The following PPP1R9A variants were observed in gnomAD, a reference collection of about 807,000 sequenced individuals.
PPP1R9A encodes the protein protein phosphatase 1 regulatory subunit 9A, also known as neurabin-1.
A neutral mutation model predicts 141.9 loss-of-function variants in PPP1R9A; 59 were observed. The ratio of observed to expected loss-of-function variants is 0.42; its 90% confidence interval spans 0.34 to 0.52. The LOEUF is 0.52. Among genes scored for constraint, PPP1R9A ranks in the 20% least tolerant of loss-of-function variants. PPP1R9A has a pLI of 0.10. For missense variants in PPP1R9A, 1,444 were observed against 1,611.9 expected (o/e 0.90, Z 1.78); for synonymous variants, 500 against 569.7 (o/e 0.88, Z 1.74).
chr7:94,980,622 G>GA (rs1799993367), intron 2 of PPP1R9A, among the ~76,000 whole-genome samples: 1 of 140,202 alleles, frequency 7.1e-6, no homozygotes, highest in East Asian at 2.0e-4. Flanking sequence ...TTTTTTTTTA[G>GA]AAAAAGTTGG....
chr7:95,102,110 A>G (rs995791241), intron 2 of PPP1R9A, among the ~76,000 whole-genome samples: 3 of 152,228 alleles, frequency 2.0e-5, no homozygotes, highest in African/African-American at 4.8e-5. Context: ...TTTGGCATTT[A>G]TAATGCCTAT....
chr7:95,209,306 T>C (rs1791579984), intron 7 of PPP1R9A, among the ~76,000 whole-genome samples: 1 of 152,204 alleles, frequency 6.6e-6, no homozygotes, highest in South Asian at 2.1e-4. Flanking sequence ...ACTCTGTGTC[T>C]TCAACTTGCT....
intron 2 of PPP1R9A, among the ~76,000 whole-genome samples, chr7:95,026,920 G>A (rs765414501): frequency 4.2e-4 from 64 of 152,110 alleles, no homozygotes; most frequent in African/African-American, 6.5e-4. Context: ...CAGCAATGGC[G>A]GACACCCCTA....
intron 2 of PPP1R9A, among the ~76,000 whole-genome samples, chr7:95,073,711 A>G (rs2152208283): frequency 7.0e-6 from 1 of 141,892 alleles, no homozygotes; most frequent in East Asian, 2.1e-4. Flanking sequence ...GAAATTTTAG[A>G]TGCATATATA....
rs1314103359 is a variant in PPP1R9A at position 95,293,727 on chromosome 7, G to A, written c.*3424G>A. The A allele has an allele frequency of 6.6e-6, 1 of 152,112 alleles. No homozygotes were observed. Among genetic ancestry groups the A allele is most frequent in the Non-Finnish European group, 1.5e-5 (1 of 68,018 alleles). The allele number at this position is 152,112 out of a possible 1,614,324, so 9.4% of individuals were successfully genotyped here. On this transcript the variant is annotated 3_prime_UTR_variant, in exon 20 of 20. Transcript: ENST00000433360. ...CACAGGTGGTTTGATCTAGCACCTC[G>A]GCCGTTAGAGTTTGTGCTGAAGACA...
intron 2 of PPP1R9A, among the ~76,000 whole-genome samples, chr7:95,004,643 A>C (rs1319006565): frequency 1.3e-5 from 2 of 152,216 alleles, no homozygotes; most frequent in African/African-American, 4.8e-5. Context: ...CAGAGTACTC[A>C]TGCATAGAAT....
At chr7:94,945,167 G>T (rs541240342) in intron 2 of PPP1R9A, among the ~76,000 whole-genome samples, 2 of 152,120 alleles carry the variant, frequency 1.3e-5, no homozygotes, top group East Asian at 3.9e-4. Flanking sequence ...ATAGTAAAAG[G>T]ATTTGTGTTA....
chr7:95,034,140 G>A (rs1026838191), intron 2 of PPP1R9A, among the ~76,000 whole-genome samples: 2 of 151,968 alleles, frequency 1.3e-5, no homozygotes, highest in South Asian at 4.1e-4. Flanking sequence ...CATATAAATA[G>A]TGTATATTTT....
chr7:95,282,424 A>C (rs1470303772), intron 16 of PPP1R9A, among the ~76,000 whole-genome samples: 1 of 152,176 alleles, frequency 6.6e-6, no homozygotes, highest in East Asian at 1.9e-4. Context: ...GTTACATTTT[A>C]AGGAGGCTAA....
intron 12 of PPP1R9A, among the ~76,000 whole-genome samples, chr7:95,255,569 T>C (rs1348083618): frequency 1.3e-5 from 2 of 152,164 alleles, no homozygotes; most frequent in South Asian, 4.1e-4. Flanking sequence ...AGAAAGTGGC[T>C]ACTAGGCAGA....
At chr7:94,928,754 A>G (rs1793786775) in intron 2 of PPP1R9A, among the ~76,000 whole-genome samples, 1 of 152,224 alleles carries the variant, frequency 6.6e-6, no homozygotes, top group African/African-American at 2.4e-5. Context: ...ATAAAAATGT[A>G]AATTGAATTC....
rs546779034 is a variant in PPP1R9A at position 94,984,860 on chromosome 7, C to A, written c.1395+73352C>A. 1.9e-3 allele frequency among the ~76,000 whole-genome samples: 293 copies of A among 152,134 alleles called. 2 individuals are homozygous for A. The highest frequency in any genetic ancestry group is 6.6e-3 in the African/African-American group (274 of 41,502). On this transcript the variant is annotated intron_variant, in intron 2 of 19. Transcript: ENST00000433360. ...AGTTCTTTTCTGATCTTAGTTATTT[C>A]TTGCCTTCTGCTAACTTTTGAATTT...
chr7:95,123,339 C>T (rs889283268), intron 4 of PPP1R9A, among the ~76,000 whole-genome samples: 2 of 152,150 alleles, frequency 1.3e-5, no homozygotes, highest in Non-Finnish European at 1.5e-5. Context: ...ATAAATGCCT[C>T]AGTGAATATA....
chr7:94,938,667 A>G (rs570308107), intron 2 of PPP1R9A, among the ~76,000 whole-genome samples: 11 of 152,290 alleles, frequency 7.2e-5, no homozygotes, highest in African/African-American at 2.4e-4. Flanking sequence ...AAGATCAGAA[A>G]TGGTCCTGGC....
At chr7:95,182,652 A>G (rs1834027154) in intron 5 of PPP1R9A, among the ~76,000 whole-genome samples, 1 of 152,178 alleles carries the variant, frequency 6.6e-6, no homozygotes, top group African/African-American at 2.4e-5. Flanking sequence ...GGGAATCTTC[A>G]TATTCATGGA....
intron 6 of PPP1R9A, chr7:95,202,467 T>G (rs1487331398): frequency 3.7e-6 from 1 of 271,014 alleles, no homozygotes; most frequent in African/African-American, 2.3e-5. Flanking sequence ...AATGTATATC[T>G]GAATATATCT....
At chr7:94,926,973 A>C (rs1204106515) in intron 2 of PPP1R9A, among the ~76,000 whole-genome samples, 2 of 152,164 alleles carry the variant, frequency 1.3e-5, no homozygotes, top group Non-Finnish European at 2.9e-5. Context: ...TTCCTCCGTG[A>C]ATTACATTAT....
intron 8 of PPP1R9A, among the ~76,000 whole-genome samples, chr7:95,245,956 G>A (rs746202860): frequency 6.6e-6 from 1 of 152,098 alleles, no homozygotes; most frequent in Non-Finnish European, 1.5e-5. Context: ...GTGTGAGTGC[G>A]GCAGAATCAA....
At chr7:95,285,280 G>A (rs1176888795) in intron 17 of PPP1R9A, among the ~76,000 whole-genome samples, 1 of 152,206 alleles carries the variant, frequency 6.6e-6, no homozygotes, top group East Asian at 1.9e-4. Context: ...TTGGTCAAGT[G>A]CTTAGAGTTC....
Sources: allele counts gnomAD v4.1 joint callset (sites outside exome capture counted in the v4.1 genomes callset), GRCh38; gene constraint gnomAD v4.1.1; transcripts MANE v1.5; gene names NCBI Gene and HGNC (gene_info 2026-07-23, HGNC 2026-07-21).